GYPC: variants seen among roughly 807,000 people sequenced by gnomAD.
The protein encoded by GYPC is glycophorin C (Gerbich blood group), also known as glycophorin-C.
In GYPC, 14 loss-of-function variants were observed where a neutral mutation model predicts 12.6. That is an observed-to-expected ratio of 1.11 (90% CI 0.74 to 1.74). The LOEUF (loss-of-function observed/expected upper bound fraction) is 1.74. Ranked by LOEUF, GYPC falls within the 40% of genes most tolerant of loss-of-function variation. The probability of loss-of-function intolerance (pLI) is 0.00; values close to 1 mark genes in which losing one functional copy is unlikely to be tolerated. For missense variants in GYPC, 225 were observed against 172.1 expected, an observed-to-expected ratio of 1.31 and a Z score of -1.72; for synonymous variants, 78 against 62.1, an observed-to-expected ratio of 1.26 and a Z score of -1.20.
chr2:126,658,268 G>T (rs1449690225), intron 1 of GYPC: 1 of 152,278 alleles, frequency 6.6e-6, no homozygotes, highest in East Asian at 1.9e-4. Context: ...GGAGTCACAT[G>T]ATGCTGGTGG....
chr2:126,658,326 C>T (rs1573552821), intron 1 of GYPC: 2 of 152,344 alleles, frequency 1.3e-5, no homozygotes, highest in South Asian at 2.1e-4. Context: ...GCAAGTATTT[C>T]TGGGGACTTG....
chr2:126,695,983 C>T lies in GYPC; in HGVS notation c.228C>T (p.Leu76=). The change falls in exon 4 of 4, where the codon CTC becomes CTT. Residue 76 remains leucine (L), a synonymous_variant. Coordinates refer to ENST00000259254, the MANE Select transcript of GYPC (RefSeq NM_002101.5). The stretch of plus-strand genomic sequence containing the variant: ...CTGTGGCCATCGTCCTAGTCTCCCT[C>T]CTCTTCGTCATGCTGCGCTACATGT... The part of the protein sequence containing the change: ...IAAVAIVLVS[L]LFVMLRYMYR... The T allele has an allele frequency of 6.2e-7, 1 of 1,614,154 alleles. No homozygotes were observed. Among genetic ancestry groups the T allele is most frequent in the Non-Finnish European group, 8.5e-7 (1 of 1,179,996 alleles).
intron 1 of GYPC, among the ~76,000 whole-genome samples, chr2:126,681,677 T>G (rs1223772948): frequency 6.6e-6 from 1 of 151,750 alleles, no homozygotes; most frequent in Non-Finnish European, 1.5e-5. Context: ...GGGGCTACAC[T>G]GTTGTGCCAC....
chr2:126,664,832 C>T (rs780668947), intron 1 of GYPC, among the ~76,000 whole-genome samples: 11 of 152,164 alleles, frequency 7.2e-5, no homozygotes, highest in African/African-American at 1.7e-4. Flanking sequence ...CTGTCTGTCA[C>T]GGGAGGACTC....
At chr2:126,694,031 T>C in intron 3 of GYPC, 84 bp downstream of exon 3, 1 of 964,410 alleles carries the variant, frequency 1.0e-6, no homozygotes, top group Non-Finnish European at 1.7e-6. Context: ...ACCTAAGGAC[T>C]TGGGCAGTGG....
chr2:126,662,007 C>T (rs941003519), intron 1 of GYPC, among the ~76,000 whole-genome samples: 4 of 152,192 alleles, frequency 2.6e-5, no homozygotes, highest in East Asian at 1.9e-4. Context: ...ACTGCCAGGG[C>T]GCCTCACACC....
intron 1 of GYPC, among the ~76,000 whole-genome samples, chr2:126,661,403 T>C (rs1310888763): frequency 2.0e-5 from 3 of 151,828 alleles, no homozygotes; most frequent in Non-Finnish European, 4.4e-5. Context: ...CATTCTAGTC[T>C]CTCCTGCTTC....
intron 1 of GYPC, chr2:126,686,680 A>G (rs1272933266): frequency 1.0e-6 from 1 of 984,986 alleles, no homozygotes; most frequent in Non-Finnish European, 1.2e-6. Flanking sequence ...GGACCTTGCA[A>G]CCTGGAGGAG....
chr2:126,695,864 C>T, intron 3 of GYPC, 82 bp from the exon 4 acceptor site: 1 of 1,059,452 alleles, frequency 9.4e-7, no homozygotes, highest in Non-Finnish European at 1.5e-6. Context: ...TGTCCTCACA[C>T]AACCCCTGTG....
At position 126,696,106 on chromosome 2, in the gene GYPC, T is replaced by A; in HGVS notation, c.351T>A (p.Asp117Glu). ...AALQGDPALQDAGDSSRKEYF... is the reference protein window; with the variant it reads ...AALQGDPALQEAGDSSRKEYF... ...TGCAGGGAGACCCTGCCCTCCAAGATGCTGGTGATAGCAGCAGAAAGGAGT... is the reference window on the plus strand; with the variant it reads ...TGCAGGGAGACCCTGCCCTCCAAGAAGCTGGTGATAGCAGCAGAAAGGAGT... The change falls in exon 4 of 4, where the codon GAT (aspartate) becomes GAA (glutamate). Residue 117 changes from aspartate to glutamate, a missense_variant. Coordinates refer to ENST00000259254, the MANE Select transcript of GYPC (RefSeq NM_002101.5). The A allele has an allele frequency of 6.2e-7, 1 of 1,614,110 alleles. No homozygotes were observed. The highest frequency in any genetic ancestry group is 8.5e-7 in the Non-Finnish European group (1 of 1,179,954).
chr2:126,676,672 T>C (rs1683001635), intron 1 of GYPC, among the ~76,000 whole-genome samples: 1 of 152,170 alleles, frequency 6.6e-6, no homozygotes, highest in Non-Finnish European at 1.5e-5. Flanking sequence ...GCTGGGAAGA[T>C]GGAGCAGGAG....
At chr2:126,656,648 C>T (rs190101085) in intron 1 of GYPC, among the ~76,000 whole-genome samples, 4 of 152,342 alleles carry the variant, frequency 2.6e-5, no homozygotes, top group African/African-American at 2.4e-5. Flanking sequence ...AGAATTGTCT[C>T]CCTAAAGAAC....
chr2:126,662,542 T>G (rs1573555905), intron 1 of GYPC, among the ~76,000 whole-genome samples: 1 of 152,244 alleles, frequency 6.6e-6, no homozygotes, highest in East Asian at 1.9e-4. Flanking sequence ...TGGTCCATCG[T>G]CTGGCACAGG....
At chr2:126,684,932 C>T (rs373956204) in intron 1 of GYPC, among the ~76,000 whole-genome samples, 3 of 152,268 alleles carry the variant, frequency 2.0e-5, no homozygotes, top group African/African-American at 7.2e-5. Flanking sequence ...GGACGCGCAC[C>T]ATATTCTCCT....
At chr2:126,657,323 G>T (rs1311553541) in intron 1 of GYPC, among the ~76,000 whole-genome samples, 2 of 152,230 alleles carry the variant, frequency 1.3e-5, no homozygotes, top group African/African-American at 4.8e-5. Flanking sequence ...CATCAGTGGT[G>T]CTTGGGAGCG....
intron 1 of GYPC, chr2:126,686,683 TGGA>T: frequency 1.0e-6 from 1 of 985,400 alleles, no homozygotes; most frequent in Middle Eastern, 5.2e-4. Context: ...CCTTGCAACC[TGGA>T]GGAGGGCTGG....
intron 1 of GYPC, chr2:126,686,711 G>C: frequency 1.0e-6 from 1 of 985,092 alleles, no homozygotes; most frequent in Non-Finnish European, 1.2e-6. Flanking sequence ...AAAAAAAGTA[G>C]GATGCTTGGG....
intron 1 of GYPC, among the ~76,000 whole-genome samples, chr2:126,683,319 C>T (rs28387182): frequency 1.6e-4 from 24 of 148,358 alleles, no homozygotes; most frequent in African/African-American, 6.0e-4. Context: ...GACTCTGTCT[C>T]AAAAAAAAAA....
At chr2:126,695,189 T>TC (rs1376067388) in intron 3 of GYPC, among the ~76,000 whole-genome samples, 1 of 152,156 alleles carries the variant, frequency 6.6e-6, no homozygotes, top group Non-Finnish European at 1.5e-5. Flanking sequence ...TCATCTTTTT[T>TC]CCCCCTGTAT....
Sources: allele counts gnomAD v4.1 joint callset (sites outside exome capture counted in the v4.1 genomes callset), GRCh38; gene constraint gnomAD v4.1.1; transcripts MANE v1.5; gene names NCBI Gene and HGNC (gene_info 2026-07-23, HGNC 2026-07-21).